DOCK1: variants seen among roughly 807,000 people sequenced by gnomAD.
DOCK1 encodes dedicator of cytokinesis 1.
Under a neutral mutation model 262.7 loss-of-function variants are expected in DOCK1, and 138 were observed. The observed-to-expected ratio is 0.53, with a 90% confidence interval of 0.46 to 0.61. The LOEUF (loss-of-function observed/expected upper bound fraction) is 0.61, where lower values mean the gene tolerates loss of function less well. Among genes scored for constraint, DOCK1 ranks in the 20% least tolerant of loss-of-function variants. The pLI is 0.00. For missense variants in DOCK1, 1,908 were observed against 2,370.7 expected (o/e 0.80, Z 4.05); for synonymous variants, 866 against 867.4 (o/e 1.00, Z 0.03).
intron 29 of DOCK1, among the ~76,000 whole-genome samples, chr10:127,296,952 C>T (rs946460217): frequency 3.3e-5 from 5 of 152,166 alleles, no homozygotes; most frequent in Admixed American, 1.3e-4. Flanking sequence ...TGAGATAGAG[C>T]CTGTGTCAAG....
chr10:127,280,103 C>T (rs1469585075), intron 29 of DOCK1, among the ~76,000 whole-genome samples: 1 of 145,854 alleles, frequency 6.9e-6, no homozygotes, highest in African/African-American at 2.5e-5. Flanking sequence ...GGCGCGATCT[C>T]GGCTCACTGC....
chr10:127,365,250 T>G (rs908965196), intron 33 of DOCK1, among the ~76,000 whole-genome samples: 5 of 152,256 alleles, frequency 3.3e-5, no homozygotes, highest in African/African-American at 1.2e-4. Flanking sequence ...TAGCTTGAAT[T>G]TATTTTGAAA....
intron 29 of DOCK1, among the ~76,000 whole-genome samples, chr10:127,290,069 A>T (rs2061297766): frequency 6.7e-6 from 1 of 148,856 alleles, no homozygotes. Flanking sequence ...AAAATTTCCT[A>T]TTCAGTCTTT....
chr10:127,075,153 G>C (rs1473312395), intron 23 of DOCK1, among the ~76,000 whole-genome samples: 1 of 114,542 alleles, frequency 8.7e-6, no homozygotes, highest in African/African-American at 3.7e-5. Flanking sequence ...TGGGCAACAA[G>C]AGCGAAACTC....
intron 23 of DOCK1, among the ~76,000 whole-genome samples, chr10:127,074,763 G>A (rs973009853): frequency 8.5e-5 from 13 of 152,242 alleles, no homozygotes; most frequent in East Asian, 1.9e-4. Flanking sequence ...TAGGTGAAAC[G>A]TGACACAAGT....
At chr10:127,044,962 C>A (rs559661435) in intron 21 of DOCK1, among the ~76,000 whole-genome samples, 1 of 151,876 alleles carries the variant, frequency 6.6e-6, no homozygotes, top group Non-Finnish European at 1.5e-5. Context: ...TTTGGAAGGC[C>A]GAGGTGGGTG....
chr10:127,390,555 A>G (rs1020334920), intron 38 of DOCK1, among the ~76,000 whole-genome samples: 5 of 152,158 alleles, frequency 3.3e-5, no homozygotes, highest in Non-Finnish European at 7.3e-5. Context: ...GGATACAGAC[A>G]CACACAGGGA....
rs1027396345 is a variant in DOCK1 at position 127,348,095 on chromosome 10, G to T, written c.3224+4349G>T. ...TAAATAAAAGAATGGGCCATACCAC[G>T]CAGAGAACTGATTATGTCAGACCCA... On this transcript the variant is annotated intron_variant, in intron 31 of 51. Transcript: ENST00000623213. Among the ~76,000 whole-genome samples, 6 of 151,686 alleles carry T rather than the reference G, an allele frequency of 4.0e-5. No homozygotes were observed. The East Asian group carries it at 1.2e-3, about 30-fold the overall frequency.
At chr10:127,406,716 T>C (rs1387600589) in intron 40 of DOCK1, among the ~76,000 whole-genome samples, 3 of 152,268 alleles carry the variant, frequency 2.0e-5, no homozygotes, top group Admixed American at 2.0e-4. Flanking sequence ...TGACTATATG[T>C]ACATTTCCCC....
intron 38 of DOCK1, among the ~76,000 whole-genome samples, chr10:127,392,682 G>A (rs958663104): frequency 6.6e-6 from 1 of 152,238 alleles, no homozygotes; most frequent in South Asian, 2.1e-4. Context: ...GTTTGTTAAC[G>A]GATCTTGCAT....
rs1241235724 is a variant in DOCK1, at chr10:127,043,839, A to T, written c.2201+675A>T. On this transcript the variant is annotated intron_variant, in intron 21 of 51. Transcript: ENST00000623213. Reference sequence around the variant, plus strand: ...CTCTGTGATCTTGGGCAAGTTGCTTAACCTCTCTGTACCTCAGCCTTCTTG... The same window carrying T: ...CTCTGTGATCTTGGGCAAGTTGCTTTACCTCTCTGTACCTCAGCCTTCTTG... Among the ~76,000 whole-genome samples, 3 of 152,324 alleles carry T rather than the reference A, an allele frequency of 2.0e-5. No individual in the cohort carries two copies. The East Asian group carries it at 5.8e-4, about 29-fold the overall frequency.
At chr10:127,260,849 C>T (rs1265493662) in intron 29 of DOCK1, among the ~76,000 whole-genome samples, 1 of 92,486 alleles carries the variant, frequency 1.1e-5, no homozygotes, top group African/African-American at 4.4e-5. Context: ...GTGTGTGTAC[C>T]CGTGCTCATC....
intron 1 of DOCK1, among the ~76,000 whole-genome samples, chr10:126,959,799 T>C (rs1407916856): frequency 1.3e-5 from 2 of 152,166 alleles, no homozygotes; most frequent in African/African-American, 4.8e-5. Flanking sequence ...CTAGTCAAGA[T>C]CCTGGTCTGC....
At chr10:127,312,682 C>G (rs1179052249) in intron 29 of DOCK1, among the ~76,000 whole-genome samples, 1 of 151,982 alleles carries the variant, frequency 6.6e-6, no homozygotes, top group Non-Finnish European at 1.5e-5. Flanking sequence ...GTTTGCAATG[C>G]CTGTCCCTCC....
intron 1 of DOCK1, among the ~76,000 whole-genome samples, chr10:126,934,640 T>C (rs1158007385): frequency 6.6e-6 from 1 of 152,216 alleles, no homozygotes; most frequent in African/African-American, 2.4e-5. Flanking sequence ...GTTTTTTTCC[T>C]GTTGAAAAGA....
intron 1 of DOCK1, among the ~76,000 whole-genome samples, chr10:126,957,226 C>G (rs2134479399): frequency 6.6e-6 from 1 of 152,192 alleles, no homozygotes; most frequent in East Asian, 1.9e-4. Context: ...ACAAAGAAAC[C>G]AAATATTTTT....
intron 27 of DOCK1, among the ~76,000 whole-genome samples, chr10:127,167,362 T>C (rs1322071043): frequency 6.6e-6 from 1 of 152,206 alleles, no homozygotes; most frequent in African/African-American, 2.4e-5. Flanking sequence ...TTCAAAGGAT[T>C]GCAACCTTGC....
intron 37 of DOCK1, among the ~76,000 whole-genome samples, chr10:127,384,383 G>C (rs955721620): frequency 1.8e-4 from 28 of 152,140 alleles, no homozygotes; most frequent in Admixed American, 1.8e-3. Flanking sequence ...TGGGTGACTT[G>C]TGTGTTCCAT....
intron 27 of DOCK1, 79 bp from the exon 28 acceptor site, chr10:127,247,929 C>G: frequency 7.1e-7 from 1 of 1,415,980 alleles, no homozygotes; most frequent in Admixed American, 1.9e-5. Flanking sequence ...GTTTCAAGTC[C>G]CAGAATCTGG....
Sources: gnomAD v4.1 joint callset for allele counts (sites outside exome capture counted in the v4.1 genomes callset) on GRCh38, gnomAD v4.1.1 for gene constraint, MANE v1.5 for transcripts, NCBI Gene and HGNC (gene_info 2026-07-23, HGNC 2026-07-21) for gene names.